The following GATAD2A variants were observed in gnomAD, a reference collection of about 807,000 sequenced individuals.
The protein encoded by GATAD2A is transcriptional repressor p66-alpha.
A neutral mutation model predicts 68.5 loss-of-function variants in GATAD2A; 12 were observed. The ratio of observed to expected loss-of-function variants is 0.18; its 90% CI spans 0.11 to 0.28. The LOEUF is 0.28. GATAD2A is among the 10% of genes least tolerant of loss of function. The pLI is 1.00. For missense variants in GATAD2A, 755 were observed against 868.5 expected (o/e 0.87, Z 1.64); for synonymous variants, 410 against 375.3 (o/e 1.09, Z -1.07).
intron 1 of GATAD2A, among the ~76,000 whole-genome samples, chr19:19,388,892 T>C (rs1395833595): frequency 6.6e-6 from 1 of 152,090 alleles, no homozygotes; most frequent in Non-Finnish European, 1.5e-5. Context: ...ATAGGATCCC[T>C]AGTTCGTAGG....
intron 1 of GATAD2A, among the ~76,000 whole-genome samples, chr19:19,449,748 G>GTCAT (rs2056169381): frequency 1.3e-5 from 2 of 152,316 alleles, no homozygotes; most frequent in South Asian, 4.1e-4. Flanking sequence ...GTAAGCTGTA[G>GTCAT]TCATGCCACT....
chr19:19,459,653 T>C (rs1329773526), intron 1 of GATAD2A, among the ~76,000 whole-genome samples: 2 of 152,218 alleles, frequency 1.3e-5, no homozygotes, highest in East Asian at 3.8e-4. Flanking sequence ...TGGACATCTT[T>C]GATAAACACT....
chr19:19,438,139 T>G (rs2054582153), intron 1 of GATAD2A, among the ~76,000 whole-genome samples: 1 of 152,236 alleles, frequency 6.6e-6, no homozygotes, highest in South Asian at 2.1e-4. Context: ...GCCTATTACC[T>G]GGTGCTGTTG....
intron 9 of GATAD2A, among the ~76,000 whole-genome samples, chr19:19,501,717 T>C (rs1419192248): frequency 6.6e-6 from 1 of 152,238 alleles, no homozygotes; most frequent in Non-Finnish European, 1.5e-5. Flanking sequence ...AAGTTTGAAA[T>C]CAAGTTTTTT....
chr19:19,459,890 C>T (rs1440645908), intron 1 of GATAD2A, among the ~76,000 whole-genome samples: 1 of 152,248 alleles, frequency 6.6e-6, no homozygotes, highest in Non-Finnish European at 1.5e-5. Flanking sequence ...ATCTCTCGTA[C>T]TTGGCCTTAA....
intron 1 of GATAD2A, among the ~76,000 whole-genome samples, chr19:19,429,076 A>G (rs1330839943): frequency 1.3e-5 from 2 of 150,130 alleles, no homozygotes; most frequent in Non-Finnish European, 3.0e-5. Context: ...GGGTCCTGAC[A>G]ACTCGTGGAG....
At chr19:19,470,677 C>T (rs2058232757) in intron 2 of GATAD2A, among the ~76,000 whole-genome samples, 1 of 152,250 alleles carries the variant, frequency 6.6e-6, no homozygotes, top group South Asian at 2.1e-4. Context: ...AATACATCCT[C>T]CCAATTGTAG....
intron 2 of GATAD2A, among the ~76,000 whole-genome samples, chr19:19,492,099 C>T (rs1315850007): frequency 1.3e-5 from 2 of 152,218 alleles, no homozygotes; most frequent in Non-Finnish European, 2.9e-5. Context: ...GGGTGCCCAC[C>T]TGGGCACTGG....
At chr19:19,502,181 G>A (rs2060577000) in intron 10 of GATAD2A, 138 bp downstream of exon 10, 3 of 864,316 alleles carry the variant, frequency 3.5e-6, no homozygotes, top group African/African-American at 3.4e-5. Context: ...CCACCCCTCT[G>A]TGTAACTTAC....
intron 1 of GATAD2A, chr19:19,435,025 A>C (rs375250138): frequency 3.4e-5 from 17 of 501,166 alleles, no homozygotes; most frequent in African/African-American, 3.3e-4. Context: ...AGGAGGTTAC[A>C]TTGGGAGAAT....
chr19:19,453,801 T>G (rs2056640544), intron 1 of GATAD2A, among the ~76,000 whole-genome samples: 1 of 151,102 alleles, frequency 6.6e-6, no homozygotes, highest in African/African-American at 2.4e-5. Flanking sequence ...GTAGCTGGGA[T>G]TACAGGTGCC....
intron 1 of GATAD2A, among the ~76,000 whole-genome samples, chr19:19,392,293 A>G (rs978457679): frequency 1.3e-5 from 2 of 150,642 alleles, no homozygotes; most frequent in African/African-American, 4.9e-5. Context: ...TATGTTTCCC[A>G]GGCTGGTCTT....
chr19:19,494,291 C>T lies in GATAD2A; in HGVS notation c.535-3C>T, dbSNP rs750051158. ...CACCTCCTGGTGTCCTGCTCTCTTG[C>T]AGCCCACAGGTTCTGTTGGGAGCAC... On this transcript the variant is annotated splice_region_variant and splice_polypyrimidine_tract_variant and intron_variant, in intron 4 of 11. Transcript: ENST00000683918. 1.9e-5 allele frequency: 30 copies of T among 1,596,918 alleles called. No homozygotes were observed. In the Admixed American group the frequency reaches 4.8e-4, roughly 26 times the overall value.
At chr19:19,481,087 C>T (rs2059023913) in intron 2 of GATAD2A, among the ~76,000 whole-genome samples, 1 of 152,168 alleles carries the variant, frequency 6.6e-6, no homozygotes, top group South Asian at 2.1e-4. Context: ...AGTCCTTCCT[C>T]CACCCTGCTT....
upstream of GATAD2A, among the ~76,000 whole-genome samples, chr19:19,405,407 G>A (rs1600012745): frequency 6.6e-6 from 1 of 152,188 alleles, no homozygotes; most frequent in African/African-American, 2.4e-5. Context: ...CCTTGGGTGC[G>A]GCCCGCCCGG....
At chr19:19,496,755 A>C (rs6511038) in intron 7 of GATAD2A, among the ~76,000 whole-genome samples, 65,604 of 152,058 alleles carry the variant, frequency 0.43, 15,560 homozygotes, top group African/African-American at 0.63. Context: ...GTCCCCACCC[A>C]CTGGAAGTAG....
intron 2 of GATAD2A, among the ~76,000 whole-genome samples, chr19:19,466,534 A>T (rs2057881018): frequency 6.6e-6 from 1 of 152,214 alleles, no homozygotes; most frequent in Non-Finnish European, 1.5e-5. Context: ...TTCCCGTGTC[A>T]GCTAACCCCA....
intron 2 of GATAD2A, 149 bp from the exon 3 acceptor site, chr19:19,492,157 G>C: frequency 1.2e-6 from 1 of 814,602 alleles, no homozygotes; most frequent in Non-Finnish European, 1.9e-6. Context: ...GGCAGCCTGG[G>C]AGCCATGGGG....
chr19:19,481,056 T>G (rs984787265), intron 2 of GATAD2A, among the ~76,000 whole-genome samples: 1 of 152,210 alleles, frequency 6.6e-6, no homozygotes, highest in African/African-American at 2.4e-5. Flanking sequence ...AGGAGATGCC[T>G]TCAGTTCATT....
Sources: allele counts gnomAD v4.1 joint callset (sites outside exome capture counted in the v4.1 genomes callset), GRCh38; gene constraint gnomAD v4.1.1; transcripts MANE v1.5; gene names NCBI Gene and HGNC (gene_info 2026-07-23, HGNC 2026-07-21).